Variants in CNEP1R1 observed in about 807,000 individuals in gnomAD.
CNEP1R1 encodes CTD nuclear envelope phosphatase 1 regulatory subunit 1.
Under a neutral mutation model 22.7 loss-of-function variants are expected in CNEP1R1, and 10 were observed. The observed-to-expected ratio is 0.44, with a 90% CI of 0.27 to 0.75. The LOEUF (loss-of-function observed/expected upper bound fraction) is 0.75. Ranked by LOEUF, CNEP1R1 falls within the 30% of genes least tolerant of loss-of-function variation. CNEP1R1 has a pLI of 0.17. For missense variants in CNEP1R1, 73 were observed against 151.5 expected (o/e 0.48, Z 2.72); for synonymous variants, 53 against 50.1 (o/e 1.06, Z -0.25).
At chr16:50,028,589 G>GTATATGA (rs1443639924) in intron 2 of CNEP1R1, among the ~76,000 whole-genome samples, 1 of 152,122 alleles carries the variant, frequency 6.6e-6, no homozygotes, top group African/African-American at 2.4e-5. Context: ...CTTTTAAAAT[G>GTATATGA]TATATGATAC....
intron 1 of CNEP1R1, 121 bp downstream of exon 1, chr16:50,025,461 C>T: frequency 7.4e-6 from 9 of 1,221,304 alleles, no homozygotes; most frequent in Non-Finnish European, 7.8e-6. Context: ...GAGCTAGGGG[C>T]CCGGAGCTTG....
At chr16:50,032,122 C>T (rs750095209) in intron 3 of CNEP1R1, among the ~76,000 whole-genome samples, 3 of 152,210 alleles carry the variant, frequency 2.0e-5, no homozygotes, top group Non-Finnish European at 2.9e-5. Flanking sequence ...AGCCATCTAC[C>T]TGGTGCTTCT....
intron 5 of CNEP1R1, 42 bp from the exon 6 acceptor site, chr16:50,035,375 A>T: frequency 8.7e-7 from 1 of 1,155,738 alleles, no homozygotes; most frequent in Non-Finnish European, 1.3e-6. Flanking sequence ...TATTTTTACT[A>T]GAACTGTGTA....
At chr16:50,027,741 C>T (rs2036198856) in intron 2 of CNEP1R1, among the ~76,000 whole-genome samples, 1 of 151,284 alleles carries the variant, frequency 6.6e-6, no homozygotes, top group African/African-American at 2.4e-5. Context: ...ACAAAATTAC[C>T]CTTAGTTGAT....
At chr16:50,033,556 C>G in intron 4 of CNEP1R1, 50 bp downstream of exon 4, 1 of 1,026,408 alleles carries the variant, frequency 9.7e-7, no homozygotes, top group Non-Finnish European at 1.5e-6. Flanking sequence ...CTTTGTTGAT[C>G]TAGGTAATGG....
At chr16:50,031,345 T>G (rs2036229835) in intron 3 of CNEP1R1, among the ~76,000 whole-genome samples, 1 of 152,154 alleles carries the variant, frequency 6.6e-6, no homozygotes, top group South Asian at 2.1e-4. Flanking sequence ...AAGGGGAGAT[T>G]GGTGATGGAA....
At chr16:50,033,923 G>A (rs182979211) in intron 4 of CNEP1R1, among the ~76,000 whole-genome samples, 179 bp from the exon 5 acceptor site, 228 of 142,350 alleles carry the variant, frequency 1.6e-3, no homozygotes, top group African/African-American at 5.7e-3. Context: ...TTGCTCTGTC[G>A]CCCAGGCTGG....
chr16:50,030,001 C>CT (rs2036218103), intron 3 of CNEP1R1, among the ~76,000 whole-genome samples: 1 of 152,124 alleles, frequency 6.6e-6, no homozygotes, highest in African/African-American at 2.4e-5. Context: ...GGGAAAAGGT[C>CT]TAAGAGATGC....
At chr16:50,029,212 TAAAG>T (rs1279633422) in intron 2 of CNEP1R1, among the ~76,000 whole-genome samples, 1 of 152,194 alleles carries the variant, frequency 6.6e-6, no homozygotes, top group Non-Finnish European at 1.5e-5. Context: ...TTAAGTCTCT[TAAAG>T]AAAATCCGAT....
chr16:50,026,647 A>G, intron 2 of CNEP1R1, 180 bp downstream of exon 2: 1 of 582,780 alleles, frequency 1.7e-6, no homozygotes, highest in East Asian at 2.8e-5. Flanking sequence ...AGAACAGTCT[A>G]TTTCGTGTGG....
At chr16:50,026,046 A>G (rs2036179980) in intron 1 of CNEP1R1, 1 of 433,172 alleles carries the variant, frequency 2.3e-6, no homozygotes, top group African/African-American at 2.0e-5. Context: ...CCAGAGAGCT[A>G]AAACTCGACC....
intron 3 of CNEP1R1, among the ~76,000 whole-genome samples, chr16:50,032,481 T>C (rs2036239399): frequency 6.6e-6 from 1 of 152,206 alleles, no homozygotes; most frequent in Non-Finnish European, 1.5e-5. Context: ...GAATGTCCTG[T>C]GGTCATTTAG....
intron 3 of CNEP1R1, among the ~76,000 whole-genome samples, chr16:50,032,786 C>A (rs2036242162): frequency 6.6e-6 from 1 of 152,162 alleles, no homozygotes; most frequent in Non-Finnish European, 1.5e-5. Context: ...GGGCAGATCA[C>A]CTGAGGTCAA....
chr16:50,027,507 C>CAAAAAA (rs71138024), intron 2 of CNEP1R1, among the ~76,000 whole-genome samples: 3 of 110,084 alleles, frequency 2.7e-5, no homozygotes, highest in Non-Finnish European at 5.3e-5. Flanking sequence ...GACTCTGTCT[C>CAAAAAA]AAAAAAAAAA....
At position 50,025,939 on chromosome 16, in the gene CNEP1R1, T is replaced by G. The variant is rs191875910; in HGVS notation, c.26-457T>G. 7.2e-5 allele frequency among the ~76,000 whole-genome samples: 11 copies of G among 152,320 alleles called. No individual in the cohort carries two copies. In the East Asian group the frequency reaches 2.1e-3, roughly 29 times the overall value. ...AGACGGCGTAGCCATTAATTAAATATAAGAGCTGGAAACCGGAGGCGGGTA... is the reference window on the plus strand; with the variant it reads ...AGACGGCGTAGCCATTAATTAAATAGAAGAGCTGGAAACCGGAGGCGGGTA... On this transcript the variant is annotated intron_variant, in intron 1 of 5. Transcript: ENST00000427478.
At chr16:50,026,332 T>C in intron 1 of CNEP1R1, 64 bp from the exon 2 acceptor site, 5 of 1,164,830 alleles carry the variant, frequency 4.3e-6, no homozygotes, top group Non-Finnish European at 6.3e-6. Flanking sequence ...GTTAGGTAAA[T>C]ACTCTGACAT....
At chr16:50,026,529 G>A (rs1299987766) in intron 2 of CNEP1R1, 62 bp downstream of exon 2, 7 of 1,199,340 alleles carry the variant, frequency 5.8e-6, no homozygotes, top group Non-Finnish European at 7.3e-6. Context: ...CCTAATATAG[G>A]AATGATTTGC....
chr16:50,025,281 C>G lies in CNEP1R1; in HGVS notation c.-35C>G. 5.0e-6 allele frequency: 7 copies of G among 1,406,818 alleles called. No individual in the cohort carries two copies. The highest frequency in any genetic ancestry group is 6.4e-6 in the Non-Finnish European group (7 of 1,086,168). The allele number at this position is 1,406,818 out of a possible 1,614,324, so 87.1% of individuals were successfully genotyped here. A position where few individuals can be genotyped will look rare whatever the true frequency, so the allele number is the denominator to read the frequency against. Reference sequence around the variant, plus strand: ...GGGGCCGCGGAAGCTGCGATGCGGACAGGGCAGCGGCGGTGACCCGAGCTG... The same window carrying G: ...GGGGCCGCGGAAGCTGCGATGCGGAGAGGGCAGCGGCGGTGACCCGAGCTG... On this transcript the variant is annotated 5_prime_UTR_variant, in exon 1 of 6. Coordinates refer to ENST00000427478, the MANE Select transcript of CNEP1R1 (RefSeq NM_001281789.2).
intron 2 of CNEP1R1, among the ~76,000 whole-genome samples, chr16:50,028,604 CTA>C (rs1386365197): frequency 1.3e-5 from 2 of 152,114 alleles, no homozygotes; most frequent in African/African-American, 2.4e-5. Context: ...TGATACTGCC[CTA>C]TCTTATAAAA....
Sources: allele counts gnomAD v4.1 joint callset (sites outside exome capture counted in the v4.1 genomes callset), GRCh38; gene constraint gnomAD v4.1.1; transcripts MANE v1.5; gene names NCBI Gene and HGNC (gene_info 2026-07-23, HGNC 2026-07-21).